Variants in FILIP1L observed in about 807,000 individuals in gnomAD.
FILIP1L encodes the protein filamin A-interacting protein 1-like.
FILIP1L carries 55 observed loss-of-function variants against 96.6 expected under a neutral mutation model. The ratio of observed to expected loss-of-function variants is 0.57; its 90% confidence interval spans 0.46 to 0.71. The LOEUF (loss-of-function observed/expected upper bound fraction) is 0.71. Among genes scored for constraint, FILIP1L ranks in the 30% least tolerant of loss-of-function variants. The pLI is 0.00. For synonymous variants in FILIP1L, 467 were observed against 473.9 expected (o/e 0.99, Z 0.19); for missense variants, 1,304 against 1,321.2 (o/e 0.99, Z 0.20).
intron 4 of FILIP1L, among the ~76,000 whole-genome samples, chr3:99,921,442 G>A (rs1172436459): frequency 6.6e-6 from 1 of 152,160 alleles, no homozygotes; most frequent in Non-Finnish European, 1.5e-5. Context: ...AAGGGTGGAC[G>A]TGAATGGGCC....
At chr3:99,972,857 A>C (rs1471237388) in intron 1 of FILIP1L, among the ~76,000 whole-genome samples, 2 of 152,216 alleles carry the variant, frequency 1.3e-5, no homozygotes, top group Non-Finnish European at 2.9e-5. Flanking sequence ...TGGCTTTGGA[A>C]CTTTTTCTTT....
intron 4 of FILIP1L, among the ~76,000 whole-genome samples, chr3:99,867,206 TG>T (rs1171346304): frequency 6.6e-6 from 1 of 152,216 alleles, no homozygotes; most frequent in African/African-American, 2.4e-5. Context: ...CTCTTGGCCC[TG>T]GGTCTGCTGC....
chr3:100,023,913 G>T (rs1010758417), intron 1 of FILIP1L, among the ~76,000 whole-genome samples: 3 of 152,148 alleles, frequency 2.0e-5, no homozygotes, highest in Non-Finnish European at 2.9e-5. Context: ...TGGGGAGAGA[G>T]GAGTAGAAGA....
intron 1 of FILIP1L, among the ~76,000 whole-genome samples, chr3:100,003,886 A>G (rs1374721645): frequency 2.6e-5 from 4 of 152,236 alleles, no homozygotes; most frequent in Admixed American, 2.6e-4. Flanking sequence ...GCAAATGAAT[A>G]TAAAGAGAGA....
chr3:99,952,254 C>G (rs1301897367), intron 1 of FILIP1L, among the ~76,000 whole-genome samples: 1 of 152,046 alleles, frequency 6.6e-6, no homozygotes, highest in Non-Finnish European at 1.5e-5. Flanking sequence ...AATTTGTCTC[C>G]TAAATCAAAT....
chr3:100,036,143 G>A (rs1167556345), intron 1 of FILIP1L, among the ~76,000 whole-genome samples: 1 of 152,110 alleles, frequency 6.6e-6, no homozygotes, highest in Non-Finnish European at 1.5e-5. Context: ...CTTTTAGGAA[G>A]GTCTTCTAAG....
Position 99,849,097 on chromosome 3 carries a change from T to G in FILIP1L, c.2579A>C (p.Lys860Thr), listed in dbSNP as rs1385398329. ...GGATTTCATCCAGGGAATCCATAGCTTTCTGTTAACAGGACATGGAGTAGA... is the reference window on the plus strand; with the variant it reads ...GGATTTCATCCAGGGAATCCATAGCGTTCTGTTAACAGGACATGGAGTAGA... ...SQSTPCPVNR[K>T]LWIPWMKSKE... The change falls in exon 5 of 6, where the codon AAG becomes ACG. Residue 860 changes from lysine to threonine, a missense_variant. By Grantham distance (78) the Lys-to-Thr change is moderately conservative. Coordinates refer to ENST00000477258, the MANE Select transcript of FILIP1L (RefSeq NM_001387850.1). 1.9e-6 allele frequency: 3 copies of G among 1,614,144 alleles called. No individual in the cohort carries two copies. Among genetic ancestry groups the G allele is most frequent in the Non-Finnish European group, 2.5e-6 (3 of 1,180,002 alleles).
At chr3:100,043,742 C>T (rs1023011935) in intron 1 of FILIP1L, among the ~76,000 whole-genome samples, 4 of 152,132 alleles carry the variant, frequency 2.6e-5, no homozygotes, top group African/African-American at 7.2e-5. Flanking sequence ...TCTCTGTATA[C>T]ATTATAGAAA....
At chr3:100,014,859 T>A (rs1710276222) in intron 1 of FILIP1L, among the ~76,000 whole-genome samples, 1 of 149,268 alleles carries the variant, frequency 6.7e-6, no homozygotes, top group Non-Finnish European at 1.5e-5. Flanking sequence ...GCAACACCAT[T>A]TGTCTTTTTC....
chr3:100,098,998 G>T lies in FILIP1L; in HGVS notation c.-11+15055C>A, dbSNP rs145037588. On this transcript the variant is annotated intron_variant, in intron 1 of 5. Coordinates refer to ENST00000477258, the MANE Select transcript of FILIP1L (RefSeq NM_001387850.1). ...GATGTGGAGTAGAGTGATTCAGCAG[G>T]TTTTTGCTTTCCTGATTGCAGAACT... Among the ~76,000 whole-genome samples the T allele has an allele frequency of 4.6e-3, 694 of 152,248 alleles. 7 individuals carry two copies. Among genetic ancestry groups the T allele is most frequent in the African/African-American group, 0.016 (679 of 41,550 alleles).
intron 4 of FILIP1L, among the ~76,000 whole-genome samples, chr3:99,899,259 C>G (rs1481736363): frequency 6.6e-6 from 1 of 152,164 alleles, no homozygotes; most frequent in African/African-American, 2.4e-5. Flanking sequence ...GAACAGGACA[C>G]TTGGTTATAA....
intron 1 of FILIP1L, among the ~76,000 whole-genome samples, chr3:100,026,552 A>G (rs2064925751): frequency 6.6e-6 from 1 of 152,118 alleles, no homozygotes; most frequent in Non-Finnish European, 1.5e-5. Flanking sequence ...TTATTAAATT[A>G]AATCTCCTGA....
chr3:99,864,688 T>G (rs1944425421), intron 4 of FILIP1L, among the ~76,000 whole-genome samples: 1 of 152,116 alleles, frequency 6.6e-6, no homozygotes, highest in Admixed American at 6.6e-5. Context: ...TCTACTGTTC[T>G]CCTCTTTGCT....
At chr3:99,854,466 G>A (rs1448470251) in intron 4 of FILIP1L, among the ~76,000 whole-genome samples, 1 of 152,128 alleles carries the variant, frequency 6.6e-6, no homozygotes, top group Admixed American at 6.5e-5. Flanking sequence ...CCTAAGAGCT[G>A]TGTAGTCAAA....
intron 1 of FILIP1L, among the ~76,000 whole-genome samples, chr3:100,026,225 C>CA (rs2064918336): frequency 6.6e-6 from 1 of 151,972 alleles, no homozygotes; most frequent in Admixed American, 6.6e-5. Context: ...AATACTTTGT[C>CA]AAAAATGCCC....
At chr3:100,016,518 G>C (rs1710344989) in intron 1 of FILIP1L, among the ~76,000 whole-genome samples, 1 of 152,092 alleles carries the variant, frequency 6.6e-6, no homozygotes, top group African/African-American at 2.4e-5. Flanking sequence ...TGATTTCTTG[G>C]CTGTGAAGAC....
chr3:100,086,216 A>G (rs747785791), intron 1 of FILIP1L, among the ~76,000 whole-genome samples: 2 of 152,218 alleles, frequency 1.3e-5, no homozygotes, highest in Non-Finnish European at 2.9e-5. Flanking sequence ...GCTTTATTTT[A>G]TTCAGTCTCA....
intron 1 of FILIP1L, among the ~76,000 whole-genome samples, chr3:99,981,109 T>G (rs1333039262): frequency 6.6e-6 from 1 of 152,212 alleles, no homozygotes; most frequent in Non-Finnish European, 1.5e-5. Context: ...GATTACATAC[T>G]CACACTCTGT....
At chr3:99,838,441 CA>C (rs1037153421) in intron 5 of FILIP1L, among the ~76,000 whole-genome samples, 1 of 152,148 alleles carries the variant, frequency 6.6e-6, no homozygotes, top group African/African-American at 2.4e-5. Flanking sequence ...CTTCACTTGA[CA>C]AGAGATGAAA....
Sources: allele counts gnomAD v4.1 joint callset (sites outside exome capture counted in the v4.1 genomes callset), GRCh38; gene constraint gnomAD v4.1.1; transcripts MANE v1.5; gene names NCBI Gene and HGNC (gene_info 2026-07-23, HGNC 2026-07-21).